The following DHX36 variants were observed in gnomAD, a reference collection of about 807,000 sequenced individuals.
DHX36 encodes the protein DEAH-box helicase 36, also known as ATP-dependent DNA/RNA helicase DHX36.
A neutral mutation model predicts 139.0 loss-of-function variants in DHX36; 50 were observed. The ratio of observed to expected loss-of-function variants is 0.36; its 90% CI spans 0.29 to 0.46. The LOEUF is 0.46. Among genes scored for constraint, DHX36 ranks in the 20% least tolerant of loss-of-function variants. DHX36 has a pLI of 1.00. For synonymous variants in DHX36, 425 were observed against 401.9 expected (o/e 1.06, Z -0.69); for missense variants, 1,024 against 1,211.3 (o/e 0.85, Z 2.29).
chr3:154,299,240 T>C (rs1712164591), intron 12 of DHX36, among the ~76,000 whole-genome samples: 1 of 152,174 alleles, frequency 6.6e-6, no homozygotes, highest in South Asian at 2.1e-4. Context: ...ATCACTGCAC[T>C]CCAACCTGGC....
intron 1 of DHX36, among the ~76,000 whole-genome samples, chr3:154,317,580 T>G (rs1246168318): frequency 1.3e-5 from 2 of 151,842 alleles, no homozygotes; most frequent in Non-Finnish European, 2.9e-5. Flanking sequence ...ACCACTCCTA[T>G]GAAGTGAAGA....
At chr3:154,277,491 A>T in intron 23 of DHX36, 107 bp downstream of exon 23, 1 of 1,117,002 alleles carries the variant, frequency 9.0e-7, no homozygotes, top group Non-Finnish European at 1.2e-6. Context: ...CACAGGAATA[A>T]GACACAACAA....
intron 5 of DHX36, among the ~76,000 whole-genome samples, chr3:154,308,527 G>A (rs1193290922): frequency 6.6e-5 from 10 of 152,004 alleles, no homozygotes; most frequent in African/African-American, 2.4e-4. Flanking sequence ...ATTTAACTAG[G>A]TCATCTAACT....
intron 8 of DHX36, 71 bp from the exon 9 acceptor site, chr3:154,303,481 G>A: frequency 9.1e-7 from 1 of 1,097,972 alleles, no homozygotes. Context: ...ACTGTAAATA[G>A]GACAATGACT....
Position 154,273,015 on chromosome 3 carries a change from T to C in DHX36, c.*3156A>G, listed in dbSNP as rs1719041326. 1 of 152,210 alleles carries C rather than the reference T, an allele frequency of 6.6e-6. No individual in the cohort carries two copies. The highest frequency in any genetic ancestry group is 1.5e-5 in the Non-Finnish European group (1 of 68,028). 9.4% of individuals were successfully genotyped at this position (152,210 alleles called of 1,614,324 possible). ...ATGTGCTCACTGTTCAACGATGCTT[T>C]TGAAAGATTATTCAGTAGTTTAATT... On this transcript the variant is annotated 3_prime_UTR_variant, in exon 25 of 25. Coordinates refer to ENST00000496811, the MANE Select transcript of DHX36 (RefSeq NM_020865.3).
chr3:154,318,716 T>C (rs1713080406), intron 1 of DHX36, among the ~76,000 whole-genome samples: 1 of 152,200 alleles, frequency 6.6e-6, no homozygotes, highest in Non-Finnish European at 1.5e-5. Flanking sequence ...TGAATTGTAG[T>C]ACACCCAGTG....
At position 154,272,556 on chromosome 3, in the gene DHX36, T is replaced by C. The variant is rs1024072873; in HGVS notation, c.*3615A>G. 1 of 151,470 alleles carries C rather than the reference T, an allele frequency of 6.6e-6. No homozygotes were observed. Among genetic ancestry groups the C allele is most frequent in the Non-Finnish European group, 1.5e-5 (1 of 67,850 alleles). The allele number at this position is 151,470 out of a possible 1,614,324, so 9.4% of individuals were successfully genotyped here. A position where few individuals can be genotyped will look rare whatever the true frequency, so the allele number is the denominator to read the frequency against. ...CACTGAATCATATACTTAAATTGGT[T>C]AATTTTATTGTATATAATATCTTAA... is the stretch of plus-strand genomic sequence containing the variant. On this transcript the variant is annotated 3_prime_UTR_variant, in exon 25 of 25. Coordinates refer to ENST00000496811, the MANE Select transcript of DHX36 (RefSeq NM_020865.3).
intron 15 of DHX36, among the ~76,000 whole-genome samples, chr3:154,290,633 CAA>C (rs10706343): frequency 0.01 from 784 of 77,416 alleles, 8 homozygotes; most frequent in African/African-American, 0.026. Context: ...GACTTCATCT[CAA>C]AAAAAAAAAA....
chr3:154,300,215 G>A (rs1250017751), intron 11 of DHX36, among the ~76,000 whole-genome samples: 4 of 152,088 alleles, frequency 2.6e-5, no homozygotes, highest in African/African-American at 9.7e-5. Context: ...TTACAGGCCT[G>A]TGTCACCACG....
chr3:154,317,553 G>C (rs1409979915), intron 1 of DHX36, among the ~76,000 whole-genome samples: 1 of 151,950 alleles, frequency 6.6e-6, no homozygotes, highest in Non-Finnish European at 1.5e-5. Context: ...AAAAGACTAG[G>C]AGCACACAGT....
At chr3:154,277,289 C>T (rs1376809366) in intron 23 of DHX36, among the ~76,000 whole-genome samples, 1 of 152,066 alleles carries the variant, frequency 6.6e-6, no homozygotes, top group East Asian at 1.9e-4. Flanking sequence ...TACTGACATG[C>T]TAACAAAACT....
Position 154,274,705 on chromosome 3 carries a change from C to T in DHX36, c.*1466G>A, listed in dbSNP as rs1477597624. On this transcript the variant is annotated 3_prime_UTR_variant, in exon 25 of 25. Transcript: ENST00000496811. The stretch of plus-strand genomic sequence containing the variant: ...ACTAGGACATGTTTATGTACTCATG[C>T]CTTATCAATTACTTATAAGGGGGAT... 3 of 152,194 alleles carry T rather than the reference C, an allele frequency of 2.0e-5. No individual in the cohort carries two copies. The highest frequency in any genetic ancestry group is 7.2e-5 in the African/African-American group (3 of 41,442). The allele number at this position is 152,194 out of a possible 1,614,324, so 9.4% of individuals were successfully genotyped here.
intron 19 of DHX36, among the ~76,000 whole-genome samples, chr3:154,283,504 T>C (rs1719400492): frequency 1.3e-5 from 2 of 152,218 alleles, no homozygotes; most frequent in African/African-American, 4.8e-5. Context: ...ATTAAGTATA[T>C]AGTAATATAT....
intron 22 of DHX36, chr3:154,277,970 T>A (rs562447064): frequency 1.2e-4 from 35 of 281,416 alleles, no homozygotes; most frequent in Non-Finnish European, 1.3e-5. Flanking sequence ...ATGTAACTAA[T>A]CTTCTTCTTG....
chr3:154,286,942 G>C (rs542536902), intron 17 of DHX36, among the ~76,000 whole-genome samples: 1 of 152,126 alleles, frequency 6.6e-6, no homozygotes, highest in East Asian at 1.9e-4. Context: ...TCAGTCTCTA[G>C]AGTCAAGACG....
At chr3:154,285,242 A>C (rs1711510434) in intron 17 of DHX36, among the ~76,000 whole-genome samples, 1 of 152,232 alleles carries the variant, frequency 6.6e-6, no homozygotes, top group Non-Finnish European at 1.5e-5. Flanking sequence ...AGAAATGACA[A>C]ACTTTCTGTT....
At chr3:154,312,595 C>A (rs1436773563) in intron 3 of DHX36, among the ~76,000 whole-genome samples, 5 of 151,476 alleles carry the variant, frequency 3.3e-5, no homozygotes, top group Non-Finnish European at 7.4e-5. Flanking sequence ...GTAATCCCAG[C>A]ACTTTGGGAA....
Position 154,324,226 on chromosome 3 carries a change from A to C in DHX36, c.191T>G (p.Met64Arg). ...CTGCCCCTGTTTTTTCGCGTACCAC[A>C]TGCCGATTTCGCGGCCTTTCAGGTG... ...PGHLKGREIG[M>R]WYAKKQGQKN... The change falls in exon 1 of 25, where the codon ATG (methionine) becomes AGG (arginine). Residue 64 changes from methionine to arginine, a missense_variant. By Grantham distance (91) the Met-to-Arg change is moderately conservative. Coordinates refer to ENST00000496811, the MANE Select transcript of DHX36 (RefSeq NM_020865.3). 1 of 1,613,354 alleles carries C rather than the reference A, an allele frequency of 6.2e-7. No individual in the cohort carries two copies. The highest frequency in any genetic ancestry group is 8.5e-7 in the Non-Finnish European group (1 of 1,179,640).
In DHX36 at chr3:154,284,577, T is replaced by C. The variant is rs1226565923; in HGVS notation, c.2292+6A>G. 1 of 1,591,728 alleles carries C rather than the reference T, an allele frequency of 6.3e-7. No individual in the cohort carries two copies. Among genetic ancestry groups the C allele is most frequent in the Non-Finnish European group, 8.5e-7 (1 of 1,172,402 alleles). On this transcript the variant is annotated splice_donor_region_variant and intron_variant, in intron 19 of 24. Transcript: ENST00000496811. ...CATAATCCAGGACAAAATTTTTTTT[T>C]TTTACCTCAAACGCATTCACAACTG...
Sources: allele counts gnomAD v4.1 joint callset (sites outside exome capture counted in the v4.1 genomes callset), GRCh38; gene constraint gnomAD v4.1.1; transcripts MANE v1.5; gene names NCBI Gene and HGNC (gene_info 2026-07-23, HGNC 2026-07-21).